KLHL32: variants seen among roughly 807,000 people sequenced by gnomAD.
The protein encoded by KLHL32 is kelch-like protein 32.
A neutral mutation model predicts 64.8 loss-of-function variants in KLHL32; 35 were observed. The observed-to-expected ratio is 0.54, with a 90% CI of 0.41 to 0.72. The LOEUF is 0.72. Among genes scored for constraint, KLHL32 ranks in the 30% least tolerant of loss-of-function variants. The probability of loss-of-function intolerance (pLI) is 0.00; values close to 1 mark genes in which losing one functional copy is unlikely to be tolerated. For synonymous variants in KLHL32, 259 were observed against 281.0 expected (o/e 0.92, Z 0.78); for missense variants, 589 against 768.5 (o/e 0.77, Z 2.76).
intron 6 of KLHL32, among the ~76,000 whole-genome samples, chr6:97,108,918 C>G (rs1179822892): frequency 6.6e-6 from 1 of 152,190 alleles, no homozygotes; most frequent in Non-Finnish European, 1.5e-5. Flanking sequence ...TGAATTTCCT[C>G]TGATAAGGCA....
chr6:96,910,516 T>G, the KLHL32 span, among the ~76,000 whole-genome samples: 2 of 152,228 alleles, frequency 1.3e-5, no homozygotes, highest in Non-Finnish European at 2.9e-5. Flanking sequence ...CATTATCACT[T>G]GCCTCCACAT....
intron 1 of KLHL32, among the ~76,000 whole-genome samples, chr6:96,962,373 A>C (rs368030339): frequency 2.6e-4 from 39 of 152,172 alleles, no homozygotes; most frequent in Admixed American, 1.0e-3. Context: ...AATAATTTCA[A>C]TTATGTGAAA....
rs185568846 is a variant in KLHL32, at chr6:96,978,792, C to A, written c.204+2615C>A. Among the ~76,000 whole-genome samples the A allele has an allele frequency of 2.2e-3, 340 of 152,328 alleles. 2 individuals carry two copies. Among genetic ancestry groups the A allele is most frequent in the Non-Finnish European group, 1.6e-3 (110 of 68,008 alleles). On this transcript the variant is annotated intron_variant, in intron 3 of 10. Transcript: ENST00000369261. The stretch of plus-strand genomic sequence containing the variant: ...TATCAGCATTCTCTTTTCTCTGCAA[C>A]CTCTCCATCATCTGCTATTTTTTTA...
chr6:96,989,927 C>T (rs1469012492), intron 3 of KLHL32, among the ~76,000 whole-genome samples: 2 of 152,124 alleles, frequency 1.3e-5, no homozygotes, highest in Non-Finnish European at 2.9e-5. Flanking sequence ...TACTGTTTGT[C>T]AGCTCTATCA....
intron 3 of KLHL32, among the ~76,000 whole-genome samples, chr6:97,007,106 CT>C (rs1562236532): frequency 5.3e-5 from 8 of 152,044 alleles, no homozygotes; most frequent in Admixed American, 3.9e-4. Context: ...TTGTTTTTTT[CT>C]CTCTCTCTTT....
the KLHL32 span, among the ~76,000 whole-genome samples, chr6:96,901,380 G>T: frequency 2.0e-5 from 3 of 149,920 alleles, no homozygotes; most frequent in African/African-American, 7.4e-5. Flanking sequence ...GAGACTTCCC[G>T]CATTTCTTGG....
intron 3 of KLHL32, among the ~76,000 whole-genome samples, chr6:97,033,384 G>A (rs1011061401): frequency 1.1e-4 from 17 of 151,984 alleles, no homozygotes; most frequent in Admixed American, 2.0e-4. Context: ...AATAATGTTC[G>A]TATGTGTGTG....
intron 5 of KLHL32, among the ~76,000 whole-genome samples, chr6:97,071,435 C>A (rs186118705): frequency 3.3e-5 from 5 of 152,254 alleles, no homozygotes; most frequent in Admixed American, 1.3e-4. Context: ...CCTTGACTGT[C>A]CCTCAAAGCA....
At chr6:96,909,135 TAA>T in the KLHL32 span, among the ~76,000 whole-genome samples, 1 of 152,066 alleles carries the variant, frequency 6.6e-6, no homozygotes, top group African/African-American at 2.4e-5. Context: ...ACTCCAGATT[TAA>T]GTTATCAGAC....
intron 2 of KLHL32, among the ~76,000 whole-genome samples, chr6:96,969,328 T>A (rs1365999323): frequency 1.3e-5 from 2 of 152,190 alleles, no homozygotes; most frequent in Non-Finnish European, 2.9e-5. Context: ...CAAAATATGG[T>A]TGTACTTTGA....
chr6:96,973,026 C>G (rs562492888), intron 2 of KLHL32, among the ~76,000 whole-genome samples: 3 of 152,252 alleles, frequency 2.0e-5, no homozygotes, highest in African/African-American at 7.2e-5. Flanking sequence ...GATTAAGAGG[C>G]CTTTATTTCT....
chr6:97,138,305 G>A (rs1800278190), intron 10 of KLHL32, among the ~76,000 whole-genome samples: 1 of 152,176 alleles, frequency 6.6e-6, no homozygotes, highest in Non-Finnish European at 1.5e-5. Context: ...TCGGGAGGCT[G>A]AGGTGGAAGG....
intron 1 of KLHL32, among the ~76,000 whole-genome samples, chr6:96,942,654 G>GGTGT (rs373680196): frequency 0.31 from 45,019 of 144,030 alleles, 7,057 homozygotes; most frequent in East Asian, 0.49. Flanking sequence ...ACAGCTGTGG[G>GGTGT]GTGTGTGTGT....
chr6:97,046,517 C>T (rs988104068), intron 4 of KLHL32, among the ~76,000 whole-genome samples: 5 of 152,144 alleles, frequency 3.3e-5, no homozygotes, highest in African/African-American at 9.7e-5. Flanking sequence ...CAAGTCAGTC[C>T]ATGAGGGCTT....
At chr6:97,056,397 G>GCA (rs1282905447) in intron 4 of KLHL32, among the ~76,000 whole-genome samples, 52 of 152,138 alleles carry the variant, frequency 3.4e-4, no homozygotes, top group African/African-American at 1.2e-3. Flanking sequence ...GAGCCACCAG[G>GCA]CCCGGCCCAC....
chr6:96,905,985 C>T, the KLHL32 span, among the ~76,000 whole-genome samples: 3 of 152,316 alleles, frequency 2.0e-5, no homozygotes, highest in Non-Finnish European at 4.4e-5. Context: ...CATGACCTTG[C>T]AGGCACAGCT....
chr6:97,089,795 A>G (rs887400751), intron 6 of KLHL32, among the ~76,000 whole-genome samples: 6 of 148,134 alleles, frequency 4.1e-5, no homozygotes, highest in Non-Finnish European at 7.5e-5. Flanking sequence ...AAAAAAAAAA[A>G]GAACAGTACT....
At chr6:96,958,672 T>C (rs1773541423) in intron 1 of KLHL32, among the ~76,000 whole-genome samples, 1 of 150,868 alleles carries the variant, frequency 6.6e-6, no homozygotes, top group African/African-American at 2.4e-5. Flanking sequence ...TTGATCATCA[T>C]GTATCCAGTT....
chr6:97,128,017 C>CT (rs1562365410), intron 8 of KLHL32, among the ~76,000 whole-genome samples: 1 of 152,184 alleles, frequency 6.6e-6, no homozygotes, highest in African/African-American at 2.4e-5. Context: ...TTTTTATTCT[C>CT]TTTTCCATAT....
Sources: allele counts gnomAD v4.1 joint callset (sites outside exome capture counted in the v4.1 genomes callset), GRCh38; gene constraint gnomAD v4.1.1; transcripts MANE v1.5; gene names NCBI Gene and HGNC (gene_info 2026-07-23, HGNC 2026-07-21).